Variants in PFKFB4 observed in about 807,000 individuals in gnomAD.
The protein encoded by PFKFB4 is 6-phosphofructo-2-kinase/fructose-2,6-biphosphatase 4.
A neutral mutation model predicts 62.8 loss-of-function variants in PFKFB4; 42 were observed. That is an observed-to-expected ratio of 0.67 (90% confidence interval 0.52 to 0.86). The LOEUF is 0.86. PFKFB4 is among the 40% of genes least tolerant of loss of function. PFKFB4 has a pLI of 0.00. For synonymous variants in PFKFB4, 204 were observed against 240.7 expected, an observed-to-expected ratio of 0.85 and a Z score of 1.41; for missense variants, 475 against 627.2, an observed-to-expected ratio of 0.76 and a Z score of 2.59.
chr3:48,550,006 A>G, intron 2 of PFKFB4, 46 bp from the exon 3 acceptor site: 1 of 1,471,870 alleles, frequency 6.8e-7, no homozygotes, highest in Non-Finnish European at 9.5e-7. Flanking sequence ...AGCAACCCCT[A>G]CCAACCCTGA....
At chr3:48,562,788 A>G, upstream of PFKFB4, 2 of 1,546,452 alleles carry the variant, frequency 1.3e-6, no homozygotes, top group Non-Finnish European at 1.7e-6. This position sits in a 1 kb window ranked among gnomAD's most constrained non-coding sequence, Gnocchi z 4.3. Flanking sequence ...TCTCAGGCTC[A>G]GCAGTGGCCG....
upstream of PFKFB4, among the ~76,000 whole-genome samples, chr3:48,558,052 AC>A (rs2043372547): frequency 6.6e-6 from 1 of 152,190 alleles, no homozygotes; most frequent in Non-Finnish European, 1.5e-5. Flanking sequence ...TTACAGTATT[AC>A]AGTATAAATT....
upstream of PFKFB4, chr3:48,562,716 C>G: frequency 7.1e-7 from 1 of 1,409,154 alleles, no homozygotes; most frequent in Non-Finnish European, 9.5e-7. This position sits in a 1 kb window ranked among gnomAD's most constrained non-coding sequence, Gnocchi z 4.3. Flanking sequence ...AGCATCCGTC[C>G]AGCTGTGTGG....
chr3:48,536,121 G>A, intron 8 of PFKFB4, 135 bp downstream of exon 8: 3 of 722,164 alleles, frequency 4.2e-6, no homozygotes, highest in Non-Finnish European at 6.9e-6. Context: ...ATTCTAGGTT[G>A]AATGAAGGTC....
At chr3:48,552,034 C>G (rs2043172280) in intron 1 of PFKFB4, among the ~76,000 whole-genome samples, 1 of 152,144 alleles carries the variant, frequency 6.6e-6, no homozygotes, top group Non-Finnish European at 1.5e-5. Flanking sequence ...CTGTCCCCAC[C>G]AACAAGTTGT....
At chr3:48,562,491 T>G, upstream of PFKFB4, 9 of 441,286 alleles carry the variant, frequency 2.0e-5, no homozygotes, top group South Asian at 3.9e-5. The surrounding 1 kb of genome is among the most constrained non-coding windows in gnomAD (Gnocchi z 4.3). Flanking sequence ...TGTCCGGACA[T>G]ATATTAGGTC....
intron 4 of PFKFB4, among the ~76,000 whole-genome samples, chr3:48,541,285 G>A (rs2042790961): frequency 6.6e-6 from 1 of 151,708 alleles, no homozygotes; most frequent in Non-Finnish European, 1.5e-5. Context: ...CTGCCACAAC[G>A]CCCAGCTAAT....
chr3:48,544,857 G>A (rs984024713), intron 3 of PFKFB4, among the ~76,000 whole-genome samples: 1 of 151,842 alleles, frequency 6.6e-6, no homozygotes, highest in Non-Finnish European at 1.5e-5. Flanking sequence ...CCAAGTACCA[G>A]GGATTATGGG....
At chr3:48,530,322 G>A (rs1480850099) in intron 9 of PFKFB4, among the ~76,000 whole-genome samples, 6 of 151,814 alleles carry the variant, frequency 4.0e-5, no homozygotes, top group African/African-American at 1.5e-4. Flanking sequence ...CAATTACATC[G>A]AAAAAACAGA....
Position 48,539,950 on chromosome 3 carries a change from G to A in PFKFB4, c.379-179C>T, listed in dbSNP as rs559714326. 3.3e-4 allele frequency among the ~76,000 whole-genome samples: 50 copies of A among 152,270 alleles called. No homozygotes were observed. The East Asian group carries it at 7.4e-3, about 22-fold the overall frequency. On this transcript the variant is annotated intron_variant, in intron 4 of 13. Transcript: ENST00000232375. ...AGTCTCCTCCAGACTTGCAACGGCT[G>A]GGCTGGCCCTCCCCTTCCTTGGAGA...
chr3:48,535,713 C>G, intron 8 of PFKFB4, 55 bp from the exon 9 acceptor site: 1 of 1,606,322 alleles, frequency 6.2e-7, no homozygotes, highest in East Asian at 2.2e-5. Context: ...GCCCTTAAAG[C>G]ATCCCATAGC....
chr3:48,529,862 G>C (rs894053258), intron 9 of PFKFB4, among the ~76,000 whole-genome samples: 1 of 152,142 alleles, frequency 6.6e-6, no homozygotes, highest in Non-Finnish European at 1.5e-5. Context: ...GCTGAGGTGG[G>C]AAGATGGCTT....
At chr3:48,562,735 C>T (rs2043453093), upstream of PFKFB4, 1 of 1,478,754 alleles carries the variant, frequency 6.8e-7, no homozygotes, top group African/African-American at 1.4e-5. This position sits in a 1 kb window ranked among gnomAD's most constrained non-coding sequence, Gnocchi z 4.3. Context: ...GGCTGCCCTC[C>T]AGGTCTTCCC....
At chr3:48,519,904 T>C in intron 13 of PFKFB4, 98 bp from the exon 14 acceptor site, 2 of 941,704 alleles carry the variant, frequency 2.1e-6, no homozygotes, top group Non-Finnish European at 3.4e-6. Flanking sequence ...AGGCTTCACA[T>C]TCTCACTGTA....
At chr3:48,561,724 G>C (rs867300776), upstream of PFKFB4, 3 of 103,096 alleles carry the variant, frequency 2.9e-5, no homozygotes, top group Non-Finnish European at 7.0e-5. The surrounding 1 kb of genome is among the most constrained non-coding windows in gnomAD (Gnocchi z 5.2). Context: ...AGGCTTGCTG[G>C]TCCCATCCTT....
intron 3 of PFKFB4, among the ~76,000 whole-genome samples, chr3:48,546,794 T>C (rs1652503527): frequency 6.6e-6 from 1 of 152,230 alleles, no homozygotes; most frequent in Non-Finnish European, 1.5e-5. Flanking sequence ...TGGTACATGC[T>C]AGGCACAGGG....
Position 48,532,209 on chromosome 3 carries a change from C to T in PFKFB4, c.987+3303G>A, listed in dbSNP as rs375577309. Among the ~76,000 whole-genome samples, 5 of 152,254 alleles carry T rather than the reference C, an allele frequency of 3.3e-5. No homozygotes were observed. In the East Asian group the frequency reaches 9.7e-4, roughly 29 times the overall value. On this transcript the variant is annotated intron_variant, in intron 9 of 13. Transcript: ENST00000232375. ...CCTGTAATCCCAGCTACTCAGGAGG[C>T]TGAGGCAGGGGAATTGCTTGAACCA...
At chr3:48,557,409 A>T (rs1394048561), upstream of PFKFB4, among the ~76,000 whole-genome samples, 1 of 151,562 alleles carries the variant, frequency 6.6e-6, no homozygotes, top group Non-Finnish European at 1.5e-5. Context: ...GAGCCCCGGG[A>T]CTCTTCCGCC....
chr3:48,551,350 G>A (rs1006785348), intron 1 of PFKFB4, among the ~76,000 whole-genome samples: 1 of 150,942 alleles, frequency 6.6e-6, no homozygotes, highest in Non-Finnish European at 1.5e-5. Context: ...CAAGTATCTA[G>A]GATTACAGAC....
Sources: gnomAD v4.1 joint callset for allele counts (sites outside exome capture counted in the v4.1 genomes callset) on GRCh38, gnomAD v4.1.1 for gene constraint, Gnocchi (gnomAD v3.1) non-coding constraint, MANE v1.5 for transcripts, NCBI Gene and HGNC (gene_info 2026-07-23, HGNC 2026-07-21) for gene names.